The following NAV2 variants were observed in gnomAD, a reference collection of about 807,000 sequenced individuals.
NAV2 encodes the protein helicase, APC down-regulated 1.
NAV2 carries 54 observed loss-of-function variants against 223.2 expected under a neutral mutation model. The observed-to-expected ratio is 0.24, with a 90% CI of 0.19 to 0.30. The LOEUF is 0.30. Ranked by LOEUF, NAV2 falls within the 10% of genes least tolerant of loss-of-function variation. The pLI is 1.00. For missense variants in NAV2, 2,806 were observed against 3,147.5 expected (o/e 0.89, Z 2.60); for synonymous variants, 1,279 against 1,239.3 (o/e 1.03, Z -0.67).
intron 1 of NAV2, among the ~76,000 whole-genome samples, chr11:19,696,545 T>C (rs1364611569): frequency 6.6e-6 from 1 of 152,240 alleles, no homozygotes; most frequent in Non-Finnish European, 1.5e-5. Flanking sequence ...CAGCTCAGCG[T>C]CTCACAGTGG....
intron 6 of NAV2, among the ~76,000 whole-genome samples, chr11:19,926,864 T>C (rs1039513762): frequency 6.6e-6 from 1 of 152,094 alleles, no homozygotes; most frequent in Non-Finnish European, 1.5e-5. Flanking sequence ...CAGGACACTC[T>C]CCCTGAGTGC....
chr11:19,717,793 A>C (rs2050424697), intron 1 of NAV2, among the ~76,000 whole-genome samples: 1 of 152,176 alleles, frequency 6.6e-6, no homozygotes, highest in Non-Finnish European at 1.5e-5. Context: ...TATTATTTTT[A>C]GCTTGGGGTT....
rs1179930487 is a variant in NAV2, at chr11:20,097,688, C to A, written c.6124C>A (p.Leu2042Met). 6.2e-7 allele frequency: 1 copy of A among 1,612,946 alleles called. No individual in the cohort carries two copies. Among genetic ancestry groups the A allele is most frequent in the Non-Finnish European group, 8.5e-7 (1 of 1,179,742 alleles). The stretch of plus-strand genomic sequence containing the variant: ...CAGCAACACTTCCGAAACACCGGAG[C>A]TGCTTCCTTGTGGCTATCTGGTTGG... ...KRSNTSETPE[L>M]LPCGYLVGEN... The change falls in exon 31 of 38, where the codon CTG becomes ATG. Residue 2042 changes from leucine to methionine, a missense_variant. By Grantham distance (15) the Leu-to-Met change is conservative (BLOSUM62 2). Around this residue, in one of 4 missense-constraint regions of NAV2, gnomAD observed 824 missense variants for 1,069.4 expected, o/e 0.77. Transcript: ENST00000349880.
At chr11:19,583,533 T>C (rs895852206) in intron 1 of NAV2, among the ~76,000 whole-genome samples, 3 of 152,240 alleles carry the variant, frequency 2.0e-5, no homozygotes, top group Non-Finnish European at 4.4e-5. Flanking sequence ...ATAGCTCTTA[T>C]TATTTTGAGA....
chr11:19,405,129 G>A (rs547135941), intron 1 of NAV2, among the ~76,000 whole-genome samples: 12 of 152,294 alleles, frequency 7.9e-5, no homozygotes, highest in Non-Finnish European at 1.6e-4. Context: ...GCCCCTGAGC[G>A]TTCATGAATA....
At chr11:19,647,654 T>G (rs866159731) in intron 1 of NAV2, among the ~76,000 whole-genome samples, 10 of 152,080 alleles carry the variant, frequency 6.6e-5, no homozygotes, top group African/African-American at 2.4e-4. Context: ...ACCCATACCT[T>G]GCTGTGTCTG....
rs545120342 is a variant in NAV2 at position 19,480,915 on chromosome 11, G to T, written c.75+129888G>T. On this transcript the variant is annotated intron_variant, in intron 1 of 37. Coordinates refer to the NAV2 transcript ENST00000360655. ...TTCCCTCTCTGAACTTTCTCTTTTG[G>T]GACTGCTTACTGGCTAATCATGCCT... Among the ~76,000 whole-genome samples the T allele has an allele frequency of 5.9e-5, 9 of 152,220 alleles. No individual in the cohort carries two copies. The South Asian group carries it at 8.3e-4, about 14-fold the overall frequency.
At position 19,617,164 on chromosome 11, in the gene NAV2, G is replaced by A. The variant is rs1843793; in HGVS notation, c.76-215320G>A. On this transcript the variant is annotated intron_variant, in intron 1 of 37. Transcript: ENST00000360655. ...CATGTTTCTTTTCTTTCTAGGAAAAGGGCTATTTATTTCTGATGACCTAGT... is the reference window on the plus strand; with the variant it reads ...CATGTTTCTTTTCTTTCTAGGAAAAAGGCTATTTATTTCTGATGACCTAGT... Among the ~76,000 whole-genome samples the A allele has an allele frequency of 6.0e-3, 912 of 152,246 alleles. 5 individuals are homozygous for A. The highest frequency in any genetic ancestry group is 8.9e-3 in the Non-Finnish European group (602 of 68,014).
chr11:20,074,899 G>A (rs1361751142), intron 22 of NAV2, among the ~76,000 whole-genome samples: 2 of 151,636 alleles, frequency 1.3e-5, no homozygotes, highest in Non-Finnish European at 2.9e-5. Flanking sequence ...TATCCAATTT[G>A]TCAGTCTGTG....
intron 6 of NAV2, among the ~76,000 whole-genome samples, chr11:19,921,944 G>A (rs1307276927): frequency 6.6e-6 from 1 of 152,192 alleles, no homozygotes; most frequent in Non-Finnish European, 1.5e-5. Context: ...GTGTGTGTGT[G>A]GGTATATAAA....
At chr11:19,382,259 G>A (rs1848868020) in intron 1 of NAV2, among the ~76,000 whole-genome samples, 1 of 152,220 alleles carries the variant, frequency 6.6e-6, no homozygotes, top group African/African-American at 2.4e-5. Context: ...GACAGGAGGT[G>A]AGCGTGGGAG....
intron 1 of NAV2, among the ~76,000 whole-genome samples, chr11:19,637,804 C>A (rs912606643): frequency 4.6e-5 from 7 of 152,244 alleles, no homozygotes; most frequent in African/African-American, 1.7e-4. Flanking sequence ...TGGGCCCCAC[C>A]CCCAACACTG....
rs78701278 is a variant in NAV2, at chr11:19,392,827, T to G, written c.75+41800T>G. Reference sequence around the variant, plus strand: ...TGTGATCTTGCAGTAAATCCAGGCATAGTGCTGGGCACACAGTTACAAGAG... The same window carrying G: ...TGTGATCTTGCAGTAAATCCAGGCAGAGTGCTGGGCACACAGTTACAAGAG... On this transcript the variant is annotated intron_variant, in intron 1 of 37. Coordinates refer to the NAV2 transcript ENST00000360655. 9.1e-3 allele frequency among the ~76,000 whole-genome samples: 1,389 copies of G among 152,332 alleles called. 23 individuals carry two copies. Among genetic ancestry groups the G allele is most frequent in the African/African-American group, 0.032 (1,325 of 41,576 alleles).
chr11:19,713,777 C>A lies in NAV2; in HGVS notation c.82C>A (p.Pro28Thr). 3 of 1,612,690 alleles carry A rather than the reference C, an allele frequency of 1.9e-6. No individual in the cohort carries two copies. Among genetic ancestry groups the A allele is most frequent in the Non-Finnish European group, 2.5e-6 (3 of 1,179,630 alleles). The stretch of plus-strand genomic sequence containing the variant: ...CAGCGCCGCGCCCATCCTGCACGTG[C>A]CCCCGGCCCGGGCGGGCCCCCAGCC... Reference protein sequence around the residue: ...VHSAAPILHVPPARAGPQPCY... With the variant: ...VHSAAPILHVTPARAGPQPCY... Residue 28 changes from proline (P) to threonine (T), a missense_variant, in exon 1 of 38, where the codon CCC (proline) becomes ACC (threonine). Around this residue, in one of 4 missense-constraint regions of NAV2, gnomAD observed 1,167 missense variants for 1,180.5 expected, o/e 0.99. Transcript: ENST00000349880. This position sits in a 1 kb window ranked among gnomAD's most constrained non-coding sequence, Gnocchi z 7.2.
chr11:19,757,913 AC>A (rs779049075), intron 1 of NAV2, among the ~76,000 whole-genome samples: 1 of 152,192 alleles, frequency 6.6e-6, no homozygotes, highest in African/African-American at 2.4e-5. Context: ...CTGCAGTCTT[AC>A]CCCCAGTCTC....
At position 20,044,987 on chromosome 11, in the gene NAV2, G is replaced by C; in HGVS notation, c.3219G>C (p.Lys1073Asn). 1 of 1,612,196 alleles carries C rather than the reference G, an allele frequency of 6.2e-7. No individual in the cohort carries two copies. The highest frequency in any genetic ancestry group is 8.5e-7 in the Non-Finnish European group (1 of 1,179,436). Residue 1073 changes from lysine to asparagine, a missense_variant, in exon 14 of 38, where the codon AAG (lysine) becomes AAC (asparagine). Lys to Asn is a moderately conservative substitution (Grantham distance 94). Transcript: ENST00000349880. ...TPGTGKTDDA[K>N]VSEKGRLSPK... ...TCTTAGGAAAAACAGACGACGCAAA[G>C]GTGTCTGAGAAAGGAAGGCTTTCTC...
At chr11:19,826,373 AAGCCCTTACTCAAAATCTTG>A (rs1275547615) in intron 1 of NAV2, among the ~76,000 whole-genome samples, 1 of 152,168 alleles carries the variant, frequency 6.6e-6, no homozygotes, top group African/African-American at 2.4e-5. Flanking sequence ...TGCTTGCTTT[AAGCCCTTACTCAAAATCTTG>A]AGCCCTTACT....
intron 1 of NAV2, among the ~76,000 whole-genome samples, chr11:19,616,219 C>T (rs1485506673): frequency 6.6e-6 from 1 of 151,852 alleles, no homozygotes; most frequent in East Asian, 1.9e-4. Context: ...CCAGGGCACA[C>T]CATGCTGAGT....
intron 1 of NAV2, chr11:19,401,865 CAT>C (rs534937393): frequency 2.6e-5 from 4 of 152,212 alleles, no homozygotes; most frequent in Non-Finnish European, 5.9e-5. Context: ...ACTTAAGAAA[CAT>C]GTCACATTCA....
Sources: allele counts gnomAD v4.1 joint callset (sites outside exome capture counted in the v4.1 genomes callset), GRCh38; gene constraint gnomAD v4.1.1; regional missense constraint gnomAD v4.1.1; non-coding constraint Gnocchi (gnomAD v3.1); transcripts MANE v1.5; gene names NCBI Gene and HGNC (gene_info 2026-07-23, HGNC 2026-07-21).